NCAPG2: variants seen among roughly 807,000 people sequenced by gnomAD.
NCAPG2 encodes condensin-2 complex subunit G2.
NCAPG2 carries 53 observed loss-of-function variants against 141.1 expected under a neutral mutation model. That is an observed-to-expected ratio of 0.38 (90% CI 0.30 to 0.47). The LOEUF is 0.47. Among genes scored for constraint, NCAPG2 ranks in the 20% least tolerant of loss-of-function variants. The pLI, the probability that NCAPG2 is intolerant of heterozygous loss-of-function variation, is 0.99. For synonymous variants in NCAPG2, 499 were observed against 490.7 expected, an observed-to-expected ratio of 1.02 and a Z score of -0.22; for missense variants, 1,087 against 1,389.0, an observed-to-expected ratio of 0.78 and a Z score of 3.46.
chr7:158,645,459 T>C, intron 26 of NCAPG2, 60 bp downstream of exon 26: 2 of 1,460,146 alleles, frequency 1.4e-6, no homozygotes, highest in Non-Finnish European at 1.9e-6. Context: ...CGGAATCCCA[T>C]GACAGCACCT....
At chr7:158,679,355 A>C (rs1834301164) in intron 11 of NCAPG2, among the ~76,000 whole-genome samples, 1 of 152,256 alleles carries the variant, frequency 6.6e-6, no homozygotes, top group African/African-American at 2.4e-5. Flanking sequence ...AATACAGACT[A>C]AGTAGATGAA....
At chr7:158,650,743 T>C in intron 24 of NCAPG2, 89 bp downstream of exon 24, 2 of 1,436,418 alleles carry the variant, frequency 1.4e-6, no homozygotes, top group Non-Finnish European at 1.9e-6. Context: ...AAAAATACTT[T>C]GAGAAACGTA....
intron 17 of NCAPG2, among the ~76,000 whole-genome samples, chr7:158,657,999 A>T (rs1022086347): frequency 4.6e-5 from 7 of 152,114 alleles, no homozygotes; most frequent in African/African-American, 1.7e-4. Context: ...TCAAGTACCC[A>T]GGGACACAAA....
intron 15 of NCAPG2, among the ~76,000 whole-genome samples, chr7:158,662,569 T>G (rs1446419944): frequency 6.6e-6 from 1 of 152,220 alleles, no homozygotes; most frequent in Admixed American, 6.5e-5. Flanking sequence ...CCAAACTGAC[T>G]CTACATCCTT....
chr7:158,689,806 A>T lies in NCAPG2; in HGVS notation c.672+13T>A. 1 of 1,560,632 alleles carries T rather than the reference A, an allele frequency of 6.4e-7. No homozygotes were observed. Among genetic ancestry groups the T allele is most frequent in the Non-Finnish European group, 8.7e-7 (1 of 1,147,540 alleles). On this transcript the variant is annotated intron_variant, in intron 6 of 27. Coordinates refer to ENST00000356309, the MANE Select transcript of NCAPG2 (RefSeq NM_017760.7). The stretch of plus-strand genomic sequence containing the variant: ...CAGCTCACAAACAGATCAAAAAACA[A>T]ATACCTATTTACCTCTTCTTTCTTG...
chr7:158,701,697 C>T (rs759666741), intron 2 of NCAPG2, 125 bp downstream of exon 2: 121 of 867,230 alleles, frequency 1.4e-4, no homozygotes, highest in Non-Finnish European at 2.1e-4. Flanking sequence ...TTTCTTCTTT[C>T]AAATAAACAT....
intron 13 of NCAPG2, among the ~76,000 whole-genome samples, chr7:158,669,769 A>C (rs1050624552): frequency 1.1e-3 from 19 of 17,766 alleles, no homozygotes; most frequent in African/African-American, 5.4e-3. Flanking sequence ...ACTCTGTCTC[A>C]AAAAAAAAAA....
Position 158,655,327 on chromosome 7 carries a change from G to A in NCAPG2, c.2505+12C>T. On this transcript the variant is annotated intron_variant, in intron 20 of 27. Coordinates refer to ENST00000356309, the MANE Select transcript of NCAPG2 (RefSeq NM_017760.7). ...GTGTATCATCCTAATAGAGGGCCAG[G>A]AGCAGGCACACCTTGTGCTGAAGAT... 1 of 1,614,170 alleles carries A rather than the reference G, an allele frequency of 6.2e-7. No homozygotes were observed. The highest frequency in any genetic ancestry group is 8.5e-7 in the Non-Finnish European group (1 of 1,180,000).
intron 1 of NCAPG2, among the ~76,000 whole-genome samples, chr7:158,704,423 T>C (rs1836033422): frequency 6.6e-6 from 1 of 151,646 alleles, no homozygotes; most frequent in Non-Finnish European, 1.5e-5. Flanking sequence ...CTGAGGACGG[T>C]GCCCATGCTC....
chr7:158,634,836 A>G (rs530318156), intron 27 of NCAPG2, among the ~76,000 whole-genome samples: 2 of 152,336 alleles, frequency 1.3e-5, no homozygotes, highest in East Asian at 3.9e-4. Flanking sequence ...AAGAACTACT[A>G]AAGAACAAAT....
At chr7:158,683,428 G>T in intron 8 of NCAPG2, 42 bp from the exon 9 acceptor site, 1 of 1,454,084 alleles carries the variant, frequency 6.9e-7, no homozygotes, top group Non-Finnish European at 9.4e-7. Context: ...GTGTGTGTGT[G>T]TCCTACTGAC....
At chr7:158,641,210 G>A (rs1017948580) in intron 27 of NCAPG2, 7 of 312,526 alleles carry the variant, frequency 2.2e-5, no homozygotes, top group Non-Finnish European at 4.0e-5. Flanking sequence ...CAGAAAAGGA[G>A]TGGAAGACAG....
chr7:158,664,579 C>T lies in NCAPG2; in HGVS notation c.1651G>A (p.Ala551Thr). ...VTLVQMNHAA[A>T]RRFYQYAHEH... Reference sequence around the variant, plus strand: ...TGGGCGTACTGATAGAACCTCCTGGCAGCGGCGTGGTTCATCTGCACCAGG... The same window carrying T: ...TGGGCGTACTGATAGAACCTCCTGGTAGCGGCGTGGTTCATCTGCACCAGG... The change falls in exon 14 of 28, where the codon GCC (alanine) becomes ACC (threonine). Residue 551 changes from alanine (A) to threonine (T), a missense_variant. By Grantham distance (58) the Ala-to-Thr change is moderately conservative (BLOSUM62 0). Transcript: ENST00000356309. The T allele has an allele frequency of 6.2e-7, 1 of 1,614,152 alleles. No homozygotes were observed. Among genetic ancestry groups the T allele is most frequent in the Non-Finnish European group, 8.5e-7 (1 of 1,180,022 alleles).
intron 27 of NCAPG2, among the ~76,000 whole-genome samples, chr7:158,638,175 G>C (rs1051542768): frequency 7.9e-5 from 12 of 152,058 alleles, no homozygotes; most frequent in Non-Finnish European, 1.5e-4. Flanking sequence ...CTGACACTGA[G>C]CTTTCCCTAT....
chr7:158,667,440 A>G, intron 13 of NCAPG2, among the ~76,000 whole-genome samples: 1 of 100,368 alleles, frequency 1.0e-5, no homozygotes, highest in Non-Finnish European at 2.1e-5. Context: ...CGCCCTCCTT[A>G]CCCACTACTG....
chr7:158,689,859 A>G lies in NCAPG2; in HGVS notation c.632T>C (p.Leu211Pro), dbSNP rs748741413. 1.9e-6 allele frequency: 3 copies of G among 1,597,310 alleles called. No individual in the cohort carries two copies. The highest frequency in any genetic ancestry group is 4.5e-5 in the East Asian group (2 of 44,640). The change falls in exon 6 of 28, where the codon CTT becomes CCT. Residue 211 changes from leucine to proline, a missense_variant. Physicochemically the swap from Leu to Pro is moderately conservative, Grantham distance 98. Coordinates refer to ENST00000356309, the MANE Select transcript of NCAPG2 (RefSeq NM_017760.7). ...ATAATTAATATTTATGAAGCACTCAAGTAACATATCTTTAATTTCTCCACT... is the reference window on the plus strand; with the variant it reads ...ATAATTAATATTTATGAAGCACTCAGGTAACATATCTTTAATTTCTCCACT... ...EESGEIKDML[L>P]ECFININYIK...
At chr7:158,655,314 AAT>A (rs1563516169) in intron 20 of NCAPG2, 23 bp downstream of exon 20, 4 of 1,614,168 alleles carry the variant, frequency 2.5e-6, no homozygotes, top group Non-Finnish European at 3.4e-6. Context: ...GTATCATCCT[AAT>A]AGAGGGCCAG....
intron 2 of NCAPG2, among the ~76,000 whole-genome samples, chr7:158,697,915 C>A (rs1272589630): frequency 6.6e-6 from 1 of 152,062 alleles, no homozygotes; most frequent in Non-Finnish European, 1.5e-5. Flanking sequence ...CACGGGGGAA[C>A]AACACACACT....
intron 2 of NCAPG2, among the ~76,000 whole-genome samples, chr7:158,698,464 T>A (rs1835589434): frequency 6.6e-6 from 1 of 152,228 alleles, no homozygotes. Flanking sequence ...ACCTTTTCAA[T>A]GTTTAGACAC....
Sources: allele counts gnomAD v4.1 joint callset (sites outside exome capture counted in the v4.1 genomes callset), GRCh38; gene constraint gnomAD v4.1.1; transcripts MANE v1.5; gene names NCBI Gene and HGNC (gene_info 2026-07-23, HGNC 2026-07-21).